CNTN4: variants seen among roughly 807,000 people sequenced by gnomAD.
The protein encoded by CNTN4 is contactin-4.
CNTN4 carries 77 observed loss-of-function variants against 122.5 expected under a neutral mutation model. The ratio of observed to expected loss-of-function variants is 0.63; its 90% CI spans 0.52 to 0.76. The LOEUF (loss-of-function observed/expected upper bound fraction) is 0.76. CNTN4 is among the 30% of genes least tolerant of loss of function. The pLI is 0.00. For synonymous variants in CNTN4, 512 were observed against 447.0 expected, an observed-to-expected ratio of 1.15 and a Z score of -1.83; for missense variants, 1,256 against 1,259.1, an observed-to-expected ratio of 1.00 and a Z score of 0.04.
At position 2,098,928 on chromosome 3, in the gene CNTN4, G is replaced by C. The variant is rs923063761; in HGVS notation, c.-277G>C. The C allele has an allele frequency of 6.6e-6, 1 of 152,254 alleles. No homozygotes were observed. The highest frequency in any genetic ancestry group is 2.4e-5 in the African/African-American group (1 of 41,464). The allele number at this position is 152,254 out of a possible 1,614,324, so 9.4% of individuals were successfully genotyped here. On this transcript the variant is annotated 5_prime_UTR_variant, in exon 1 of 25. Coordinates refer to ENST00000418658, the MANE Select transcript of CNTN4 (RefSeq NM_175607.3). ...GCCGCCGCCCCGGGCCCCTCGGACT[G>C]TGCCGGCGCCGCACCCGAGGCTCTC...
At chr3:2,135,013 C>T (rs1242077314) in intron 2 of CNTN4, among the ~76,000 whole-genome samples, 2 of 152,112 alleles carry the variant, frequency 1.3e-5, no homozygotes, top group Non-Finnish European at 2.9e-5. Context: ...TAAAATTGAC[C>T]ATCACAGCCC....
intron 2 of CNTN4, among the ~76,000 whole-genome samples, chr3:2,255,125 C>G (rs185226757): frequency 1.3e-5 from 2 of 152,290 alleles, no homozygotes; most frequent in Admixed American, 1.3e-4. Flanking sequence ...TTTCCCAACA[C>G]CATTTATTAA....
At chr3:2,155,692 C>T (rs1049764535) in intron 2 of CNTN4, among the ~76,000 whole-genome samples, 4 of 152,160 alleles carry the variant, frequency 2.6e-5, no homozygotes, top group African/African-American at 7.2e-5. Context: ...TTGGGTTCAT[C>T]TTCTCACTCT....
At chr3:2,731,478 G>T (rs1337107118) in intron 4 of CNTN4, among the ~76,000 whole-genome samples, 1 of 152,182 alleles carries the variant, frequency 6.6e-6, no homozygotes, top group Non-Finnish European at 1.5e-5. Context: ...CAGTATTGGT[G>T]CCTGCACTAG....
At chr3:3,017,496 A>C (rs1697866112) in intron 14 of CNTN4, among the ~76,000 whole-genome samples, 1 of 152,224 alleles carries the variant, frequency 6.6e-6, no homozygotes. Context: ...GCTTACCCCT[A>C]AAATCAGGAC....
In CNTN4 at chr3:2,613,691, A is replaced by G. The variant is rs188276562; in HGVS notation, c.55+42133A>G. 1.5e-3 allele frequency among the ~76,000 whole-genome samples: 228 copies of G among 152,184 alleles called. 1 individual carries two copies. The highest frequency in any genetic ancestry group is 3.2e-3 in the African/African-American group (134 of 41,522). On this transcript the variant is annotated intron_variant, in intron 4 of 24. Transcript: ENST00000418658. ...TAATTCATGAAAAAGACAAGACTCA[A>G]CTCTAATATCAATATTAGCCTTAGT...
At chr3:2,217,917 C>G (rs2038914843) in intron 2 of CNTN4, among the ~76,000 whole-genome samples, 1 of 152,066 alleles carries the variant, frequency 6.6e-6, no homozygotes, top group Admixed American at 6.6e-5. Context: ...ATAAATCAAA[C>G]GTAGATCTAC....
intron 3 of CNTN4, among the ~76,000 whole-genome samples, chr3:2,474,978 A>G (rs1239388411): frequency 6.6e-6 from 1 of 152,194 alleles, no homozygotes; most frequent in Non-Finnish European, 1.5e-5. Context: ...CATATTTTAA[A>G]TAGCAATGCA....
rs1420369878 is a variant in CNTN4 at position 2,170,302 on chromosome 3, A to AGGGC, written c.-145+69663_-145+69664insGGGC. Among the ~76,000 whole-genome samples the AGGGC allele has an allele frequency of 1.8e-3, 277 of 151,554 alleles. 1 individual carries two copies. The highest frequency in any genetic ancestry group is 3.4e-3 in the Non-Finnish European group (227 of 67,706). ...GCCACCGCACTCCAGCCTGGGCGAC[A>AGGGC]CACCAAGACTCCGTCTCAAAACAAA... On this transcript the variant is annotated intron_variant, in intron 2 of 24. Coordinates refer to ENST00000418658, the MANE Select transcript of CNTN4 (RefSeq NM_175607.3).
At chr3:2,473,934 C>G (rs1374600098) in intron 3 of CNTN4, among the ~76,000 whole-genome samples, 1 of 151,860 alleles carries the variant, frequency 6.6e-6, no homozygotes, top group Admixed American at 6.6e-5. Context: ...ATCACTTGAA[C>G]TCGGGGGAGG....
At chr3:2,657,718 T>C (rs2083658713) in intron 4 of CNTN4, among the ~76,000 whole-genome samples, 1 of 152,128 alleles carries the variant, frequency 6.6e-6, no homozygotes, top group Admixed American at 6.5e-5. Context: ...TAGAGATAGA[T>C]ATTCAAAATG....
intron 3 of CNTN4, among the ~76,000 whole-genome samples, chr3:2,463,584 AC>A (rs1436751380): frequency 6.6e-6 from 1 of 152,020 alleles, no homozygotes; most frequent in Non-Finnish European, 1.5e-5. Flanking sequence ...ACATGGTGAA[AC>A]CCCATCTCTA....
At chr3:3,037,126 C>A in intron 17 of CNTN4, 53 bp from the exon 18 acceptor site, 1 of 1,589,966 alleles carries the variant, frequency 6.3e-7, no homozygotes, top group Non-Finnish European at 8.6e-7. Context: ...GTAATCTCTG[C>A]ATTTGTTTTC....
chr3:2,981,428 A>C (rs541190531), intron 13 of CNTN4, among the ~76,000 whole-genome samples: 1 of 152,054 alleles, frequency 6.6e-6, no homozygotes, highest in South Asian at 2.1e-4. Context: ...TGGGCGACAG[A>C]GCGAGACTCC....
chr3:2,718,321 G>C (rs890389311), intron 4 of CNTN4, among the ~76,000 whole-genome samples: 1 of 151,780 alleles, frequency 6.6e-6, no homozygotes, highest in Non-Finnish European at 1.5e-5. Flanking sequence ...ACACATTTTG[G>C]TAATTATCTA....
intron 3 of CNTN4, among the ~76,000 whole-genome samples, chr3:2,545,624 T>A (rs981636517): frequency 1.3e-5 from 2 of 152,002 alleles, no homozygotes; most frequent in African/African-American, 4.8e-5. Flanking sequence ...TGCCTTTTTT[T>A]TTTTTTATCC....
intron 6 of CNTN4, among the ~76,000 whole-genome samples, chr3:2,793,067 C>A (rs897292708): frequency 8.5e-5 from 13 of 152,242 alleles, no homozygotes; most frequent in Non-Finnish European, 1.8e-4. Flanking sequence ...TGAATTATTT[C>A]CACATGATAG....
intron 2 of CNTN4, among the ~76,000 whole-genome samples, chr3:2,125,632 CACTGCA>C (rs1382145296): frequency 6.7e-6 from 1 of 149,232 alleles, no homozygotes; most frequent in East Asian, 2.0e-4. Context: ...CATCTTGGAT[CACTGCA>C]AGCTCTGCCT....
intron 14 of CNTN4, among the ~76,000 whole-genome samples, chr3:3,013,936 T>G (rs1421014360): frequency 1.3e-5 from 2 of 152,102 alleles, no homozygotes; most frequent in Non-Finnish European, 2.9e-5. Flanking sequence ...GGGTCTTGCC[T>G]CACTATCTTT....
Sources: allele counts gnomAD v4.1 joint callset (sites outside exome capture counted in the v4.1 genomes callset), GRCh38; gene constraint gnomAD v4.1.1; transcripts MANE v1.5; gene names NCBI Gene and HGNC (gene_info 2026-07-23, HGNC 2026-07-21).